The following GALNT18 variants were observed in gnomAD, a reference collection of about 807,000 sequenced individuals.
The protein encoded by GALNT18 is GalNAc-transferase 18.
In GALNT18, 44 loss-of-function variants were observed where a neutral mutation model predicts 69.5. The ratio of observed to expected loss-of-function variants is 0.63; its 90% CI spans 0.50 to 0.81. GALNT18 has a LOEUF of 0.81. GALNT18 is among the 40% of genes least tolerant of loss of function. The probability of loss-of-function intolerance (pLI) is 0.00; values close to 1 mark genes in which losing one functional copy is unlikely to be tolerated. For missense variants in GALNT18, 715 were observed against 810.0 expected (o/e 0.88, Z 1.42); for synonymous variants, 364 against 318.2 (o/e 1.14, Z -1.53).
chr11:11,340,312 C>T lies in GALNT18; in HGVS notation c.1278+507G>A, dbSNP rs949984028. Among the ~76,000 whole-genome samples, 1 of 56,276 alleles carries T rather than the reference C, an allele frequency of 1.8e-5. No homozygotes were observed. The highest frequency in any genetic ancestry group is 1.9e-4 in the Admixed American group (1 of 5,258). 36.9% of individuals were successfully genotyped at this position (56,276 alleles called of 152,430 possible). A position where few individuals can be genotyped will look rare whatever the true frequency, so the allele number is the denominator to read the frequency against. The stretch of plus-strand genomic sequence containing the variant: ...TAACTCCATCTCCTAGTGAAGGTCC[C>T]TGTAGGTGTGCCCCCATCCCCATAC... On this transcript the variant is annotated intron_variant, in intron 7 of 10. Coordinates refer to ENST00000227756, the MANE Select transcript of GALNT18 (RefSeq NM_198516.3). The surrounding 1 kb of genome is among the most constrained non-coding windows in gnomAD (Gnocchi z 4.2).
In GALNT18 at chr11:11,432,945, G is replaced by A. The variant is rs535065021; in HGVS notation, c.429-158C>T. Among the ~76,000 whole-genome samples the A allele has an allele frequency of 6.6e-6, 1 of 152,280 alleles. No individual in the cohort carries two copies. Among genetic ancestry groups the A allele is most frequent in the South Asian group, 2.1e-4 (1 of 4,822 alleles). ...GATGCACTTAAGATGAGCCCTAAATGTCCAGCAGAAAGGCCCACAAGCATT... is the reference window on the plus strand; with the variant it reads ...GATGCACTTAAGATGAGCCCTAAATATCCAGCAGAAAGGCCCACAAGCATT... On this transcript the variant is annotated intron_variant, in intron 2 of 10. Coordinates refer to ENST00000227756, the MANE Select transcript of GALNT18 (RefSeq NM_198516.3). This position sits in a 1 kb window ranked among gnomAD's most constrained non-coding sequence, Gnocchi z 5.8.
intron 6 of GALNT18, among the ~76,000 whole-genome samples, chr11:11,365,116 TATGGACCC>T (rs1241290060): frequency 2.6e-5 from 4 of 152,268 alleles, no homozygotes; most frequent in African/African-American, 9.6e-5. Context: ...TTGCTGCACC[TATGGACCC>T]ATCCTTTAAG....
chr11:11,294,908 C>CAAGA (rs1053078261), intron 9 of GALNT18, among the ~76,000 whole-genome samples: 18 of 152,048 alleles, frequency 1.2e-4, no homozygotes, highest in African/African-American at 4.3e-4. Flanking sequence ...AGAAACAAAC[C>CAAGA]AAGATACCAC....
At position 11,387,316 on chromosome 11, in the gene GALNT18, A is replaced by G. The variant is rs1854081003; in HGVS notation, c.596-8052T>C. On this transcript the variant is annotated intron_variant, in intron 3 of 10. Coordinates refer to ENST00000227756, the MANE Select transcript of GALNT18 (RefSeq NM_198516.3). The surrounding 1 kb of genome is among the most constrained non-coding windows in gnomAD (Gnocchi z 4.6). ...TTCCCAGCTGCCTTCTGCAGAGGCC[A>G]CGGCTTTTTGTCCCATTGTGGCCAC... Among the ~76,000 whole-genome samples, 1 of 152,030 alleles carries G rather than the reference A, an allele frequency of 6.6e-6. No homozygotes were observed.
rs990030996 is a variant in GALNT18 at position 11,430,172 on chromosome 11, C to T, written c.595+2449G>A. On this transcript the variant is annotated intron_variant, in intron 3 of 10. Transcript: ENST00000227756. This position sits in a 1 kb window ranked among gnomAD's most constrained non-coding sequence, Gnocchi z 4.9. ...AAAAAAAGAATGCTTTTTAAAACAG[C>T]GATGTCTAGAACCCTCTTTGAACTC... Among the ~76,000 whole-genome samples the T allele has an allele frequency of 5.9e-5, 9 of 152,132 alleles. No individual in the cohort carries two copies. The highest frequency in any genetic ancestry group is 1.7e-4 in the African/African-American group (7 of 41,416).
At chr11:11,283,138 C>T (rs1849119026) in intron 10 of GALNT18, among the ~76,000 whole-genome samples, 1 of 151,994 alleles carries the variant, frequency 6.6e-6, no homozygotes, top group Admixed American at 6.6e-5. Flanking sequence ...GGCCTTGTGG[C>T]CACTGAACAG....
chr11:11,357,006 G>A (rs1005558505), intron 6 of GALNT18, among the ~76,000 whole-genome samples: 28 of 152,094 alleles, frequency 1.8e-4, no homozygotes, highest in African/African-American at 4.1e-4. Context: ...CAATAGCCAC[G>A]GAGCTTCCTG....
chr11:11,455,691 G>A (rs1323739155), intron 1 of GALNT18, among the ~76,000 whole-genome samples: 1 of 152,224 alleles, frequency 6.6e-6, no homozygotes, highest in African/African-American at 2.4e-5. Flanking sequence ...AGTGAAGACT[G>A]CGAGTCTGAA....
At chr11:11,313,545 A>T (rs912656079) in intron 9 of GALNT18, among the ~76,000 whole-genome samples, 1 of 152,156 alleles carries the variant, frequency 6.6e-6, no homozygotes, top group African/African-American at 2.4e-5. Context: ...CCTGTGTGCC[A>T]AGCTGGCATT....
In GALNT18 at chr11:11,530,042, C is replaced by T. The variant is rs184881948; in HGVS notation, c.236-81106G>A. On this transcript the variant is annotated intron_variant, in intron 1 of 10. Transcript: ENST00000227756. ...ACTGACATCCCACCTAGCAGCTTTG[C>T]TTGAAGTCAAGGCCTTAATTGCACC... 6.5e-4 allele frequency among the ~76,000 whole-genome samples: 99 copies of T among 152,286 alleles called. 1 individual carries two copies. Among genetic ancestry groups the T allele is most frequent in the Admixed American group, 6.2e-3 (95 of 15,306 alleles).
chr11:11,421,457 T>G lies in GALNT18; in HGVS notation c.595+11164A>C, dbSNP rs1213632360. Among the ~76,000 whole-genome samples, 1 of 152,032 alleles carries G rather than the reference T, an allele frequency of 6.6e-6. No homozygotes were observed. The highest frequency in any genetic ancestry group is 1.5e-5 in the Non-Finnish European group (1 of 67,996). ...GTGGAAGCAGAGCCCCAGTTTGGTG[T>G]ACAGGGAACAGAGTCTAGCCCCTCA... On this transcript the variant is annotated intron_variant, in intron 3 of 10. Transcript: ENST00000227756. This position sits in a 1 kb window ranked among gnomAD's most constrained non-coding sequence, Gnocchi z 5.6.
In GALNT18 at chr11:11,338,264, G is replaced by T. The variant is rs1850147230; in HGVS notation, c.1278+2555C>A. Among the ~76,000 whole-genome samples the T allele has an allele frequency of 6.6e-6, 1 of 152,100 alleles. No homozygotes were observed. Among genetic ancestry groups the T allele is most frequent in the South Asian group, 2.1e-4 (1 of 4,820 alleles). ...ATTACAGGCATGAGCCACTGCGCCT[G>T]GCCTCATTTAAAGATTTTAAGCAGG... On this transcript the variant is annotated intron_variant, in intron 7 of 10. Transcript: ENST00000227756. This position sits in a 1 kb window ranked among gnomAD's most constrained non-coding sequence, Gnocchi z 5.3.
chr11:11,581,353 A>G (rs1401798538), intron 1 of GALNT18, among the ~76,000 whole-genome samples: 3 of 152,226 alleles, frequency 2.0e-5, no homozygotes, highest in African/African-American at 7.2e-5. Context: ...CAAAGACTCT[A>G]AACAGAGCCA....
At chr11:11,529,859 T>C (rs1174491606) in intron 1 of GALNT18, among the ~76,000 whole-genome samples, 1 of 152,182 alleles carries the variant, frequency 6.6e-6, no homozygotes, top group Non-Finnish European at 1.5e-5. Context: ...TGACTGTATG[T>C]CTTTACCCAG....
At chr11:11,316,694 G>C (rs1426229484) in intron 9 of GALNT18, among the ~76,000 whole-genome samples, 1 of 152,170 alleles carries the variant, frequency 6.6e-6, no homozygotes, top group Non-Finnish European at 1.5e-5. Flanking sequence ...CAAAAACCCT[G>C]TGTCTTTTAC....
intron 3 of GALNT18, 119 bp from the exon 4 acceptor site, chr11:11,379,383 T>A: frequency 1.1e-6 from 1 of 948,298 alleles, no homozygotes; most frequent in Non-Finnish European, 1.6e-6. Context: ...CCCATTCCCC[T>A]CCCTGGGTCT....
chr11:11,600,645 C>A lies in GALNT18; in HGVS notation c.235+20714G>T, dbSNP rs1590131198. On this transcript the variant is annotated intron_variant, in intron 1 of 10. Coordinates refer to ENST00000227756, the MANE Select transcript of GALNT18 (RefSeq NM_198516.3). This position sits in a 1 kb window ranked among gnomAD's most constrained non-coding sequence, Gnocchi z 4.8. ...TGGCTTTGTTTTTATCCTATATGAA[C>A]CTTGTTGAGCTTCTTGGATATAAAG... Among the ~76,000 whole-genome samples, 1 of 152,050 alleles carries A rather than the reference C, an allele frequency of 6.6e-6. No homozygotes were observed.
intron 10 of GALNT18, among the ~76,000 whole-genome samples, chr11:11,276,745 CT>C (rs1402508655): frequency 1.3e-5 from 2 of 152,084 alleles, no homozygotes; most frequent in Non-Finnish European, 2.9e-5. Flanking sequence ...TATGGAAGGC[CT>C]TTTCTGCATC....
intron 6 of GALNT18, among the ~76,000 whole-genome samples, chr11:11,343,335 G>A (rs530475549): frequency 9.9e-4 from 150 of 152,002 alleles, no homozygotes; most frequent in African/African-American, 3.2e-3. Context: ...AGGCAACAGA[G>A]TGAGACCCTG....
Sources: gnomAD v4.1 joint callset for allele counts (sites outside exome capture counted in the v4.1 genomes callset) on GRCh38, gnomAD v4.1.1 for gene constraint, Gnocchi (gnomAD v3.1) non-coding constraint, MANE v1.5 for transcripts, NCBI Gene and HGNC (gene_info 2026-07-23, HGNC 2026-07-21) for gene names.